The following MON1B variants were observed in gnomAD, a reference collection of about 807,000 sequenced individuals.
MON1B encodes vacuolar fusion protein MON1 homolog B.
In MON1B, 26 loss-of-function variants were observed where a neutral mutation model predicts 45.1. That is an observed-to-expected ratio of 0.58 (90% CI 0.42 to 0.80). The LOEUF (loss-of-function observed/expected upper bound fraction) is 0.80, where lower values mean the gene tolerates loss of function less well. MON1B is among the 30% of genes least tolerant of loss of function. The pLI is 0.00. For missense variants in MON1B, 737 were observed against 754.5 expected (o/e 0.98, Z 0.27); for synonymous variants, 395 against 320.2 (o/e 1.23, Z -2.49).
intron 2 of MON1B, among the ~76,000 whole-genome samples, chr16:77,191,918 G>C (rs1025327541): frequency 6.6e-6 from 1 of 152,154 alleles, no homozygotes; most frequent in Non-Finnish European, 1.5e-5. Context: ...TGAGGATTTA[G>C]AGTGTTTAGA....
intron 5 of MON1B, among the ~76,000 whole-genome samples, chr16:77,197,705 CA>C (rs1003534624): frequency 1.3e-5 from 2 of 152,132 alleles, no homozygotes; most frequent in Non-Finnish European, 2.9e-5. Context: ...CAGGCCTCTC[CA>C]TGTGGTATGA....
chr16:77,197,975 A>G, intron 5 of MON1B, 133 bp from the exon 6 acceptor site: 2 of 854,514 alleles, frequency 2.3e-6, no homozygotes, highest in Non-Finnish European at 3.8e-6. Flanking sequence ...GTATCTAGGC[A>G]GCACCTGGTA....
At chr16:77,196,406 A>ATTTC (rs2054665704) in intron 5 of MON1B, among the ~76,000 whole-genome samples, 2 of 152,156 alleles carry the variant, frequency 1.3e-5, no homozygotes, top group Non-Finnish European at 2.9e-5. Context: ...GCGTGGTGAA[A>ATTTC]ACCACGCCTG....
In MON1B at chr16:77,200,663, G is replaced by A. The variant is rs1163373369; in HGVS notation, c.*2355G>A. ...CCCAGCTACTGGGGAGGCTGAGGCA[G>A]GGGAATTGCTTGAACCCGGGAGGCA... On this transcript the variant is annotated 3_prime_UTR_variant, in exon 6 of 6. Transcript: ENST00000248248. 1 of 150,472 alleles carries A rather than the reference G, an allele frequency of 6.6e-6. No individual in the cohort carries two copies. Among genetic ancestry groups the A allele is most frequent in the Non-Finnish European group, 1.5e-5 (1 of 67,904 alleles). The allele number at this position is 150,472 out of a possible 1,614,324, so 9.3% of individuals were successfully genotyped here.
chr16:77,194,996 C>T lies in MON1B; in HGVS notation c.1137C>T (p.Ala379=). The T allele has an allele frequency of 6.2e-7, 1 of 1,613,614 alleles. No individual in the cohort carries two copies. Among genetic ancestry groups the T allele is most frequent in the East Asian group, 2.2e-5 (1 of 44,864 alleles). Residue 379 remains alanine, a synonymous_variant, in exon 4 of 6, where the codon GCC becomes GCT. Transcript: ENST00000248248. The surrounding 1 kb of genome is among the most constrained non-coding windows in gnomAD (Gnocchi z 8.1). ...AAGATGGGATGCATGCCCTTGGTGC[C>T]ATGCGTGCCCTTGGGGAGGCTGCCA... ...LVEDGMHALG[A]MRALGEAASF... is the part of the protein sequence containing the mutation.
chr16:77,195,548 G>A lies in MON1B; in HGVS notation c.1309G>A (p.Ala437Thr). The A allele has an allele frequency of 1.2e-6, 2 of 1,613,606 alleles. No individual in the cohort carries two copies. The highest frequency in any genetic ancestry group is 2.2e-5 in the South Asian group (2 of 91,006). Residue 437 changes from alanine to threonine, a missense_variant, in exon 5 of 6, where the codon GCC becomes ACC. By Grantham distance (58) the Ala-to-Thr change is moderately conservative. Coordinates refer to ENST00000248248, the MANE Select transcript of MON1B (RefSeq NM_014940.4). The stretch of plus-strand genomic sequence containing the variant: ...CCATCATGGCAGCCCTGAGCTAGAG[G>A]CCCCCTACAGCAGAGAGGAGGAGCG... The part of the protein sequence containing the change: ...LPQFTSPELE[A>T]PYSREEERQR...
Position 77,194,860 on chromosome 16 carries a change from GT to G in MON1B, c.1007del (p.Phe336SerfsTer100), listed in dbSNP as rs2054649109. 6.2e-7 allele frequency: 1 copy of G among 1,611,332 alleles called. No homozygotes were observed. The highest frequency in any genetic ancestry group is 8.5e-7 in the Non-Finnish European group (1 of 1,180,034). On this transcript the variant is annotated frameshift_variant, in exon 4 of 6. Coordinates refer to ENST00000248248, the MANE Select transcript of MON1B (RefSeq NM_014940.4). LOFTEE classifies it high-confidence loss of function. This position sits in a 1 kb window ranked among gnomAD's most constrained non-coding sequence, Gnocchi z 8.1. ...PVCLPRFNPD[G>X]FFYAYVARLD... ...TGCCTGCCCCGCTTCAACCCTGATGGTTTTTTCTACGCCTACGTGGCCCGCC... is the reference window on the plus strand; with the variant it reads ...TGCCTGCCCCGCTTCAACCCTGATGGTTTTTCTACGCCTACGTGGCCCGCC...
In MON1B at chr16:77,194,187, C is replaced by T; in HGVS notation, c.476-148C>T. The T allele has an allele frequency of 1.3e-6, 1 of 763,282 alleles. No individual in the cohort carries two copies. Among genetic ancestry groups the T allele is most frequent in the East Asian group, 2.5e-5 (1 of 40,808 alleles). 47.3% of individuals were successfully genotyped at this position (763,282 alleles called of 1,614,324 possible). On this transcript the variant is annotated intron_variant, in intron 3 of 5. Transcript: ENST00000248248. The surrounding 1 kb of genome is among the most constrained non-coding windows in gnomAD (Gnocchi z 8.1). ...AAATGTCCAGATTCCTCCAGCTTGT[C>T]CTTACCCCAGTCCAGGTGCCCACAG...
Position 77,199,420 on chromosome 16 carries a change from G to T in MON1B, c.*1112G>T. The T allele has an allele frequency of 2.6e-6, 4 of 1,550,466 alleles. No individual in the cohort carries two copies. The highest frequency in any genetic ancestry group is 3.5e-6 in the Non-Finnish European group (4 of 1,146,288). On this transcript the variant is annotated 3_prime_UTR_variant, in exon 6 of 6. Coordinates refer to ENST00000248248, the MANE Select transcript of MON1B (RefSeq NM_014940.4). ...GGTTTCTTTTTTAACCAGTCATCAA[G>T]CGAGGCTCGCGCGCAGGCCCCGCGT... is the stretch of plus-strand genomic sequence containing the variant.
Position 77,198,092 on chromosome 16 carries a change from C to T in MON1B, c.1444-16C>T, listed in dbSNP as rs759113203. On this transcript the variant is annotated splice_polypyrimidine_tract_variant and intron_variant, in intron 5 of 5. Transcript: ENST00000248248. ...AGCTCTGGCCCATCTGACTCTGTCT[C>T]CTCCGAAACCCCCAGGTGACCTCCA... 1.2e-6 allele frequency: 2 copies of T among 1,612,836 alleles called. No homozygotes were observed. Among genetic ancestry groups the T allele is most frequent in the South Asian group, 1.1e-5 (1 of 91,024 alleles).
chr16:77,191,667 T>A (rs1425279719), intron 2 of MON1B, 34 bp downstream of exon 2: 2 of 1,587,540 alleles, frequency 1.3e-6, no homozygotes, highest in Non-Finnish European at 1.7e-6. Context: ...TTAAAAGGAA[T>A]CCTTAGGGGT....
rs35193130 is a variant in MON1B at position 77,191,543 on chromosome 16, G to T, written c.58G>T (p.Asp20Tyr). ...PAPGGAEDLE[D>Y]TQFPSEEARE... ...CCCCGGGGGCGCGGAGGACTTGGAG[G>T]ACACGCAGTTCCCCAGTGAGGAAGC... The change falls in exon 2 of 6, where the codon GAC (aspartate) becomes TAC (tyrosine). Residue 20 changes from aspartate to tyrosine, a missense_variant. Physicochemically the swap from Asp to Tyr is radical, Grantham distance 160 (BLOSUM62 -3). Coordinates refer to ENST00000248248, the MANE Select transcript of MON1B (RefSeq NM_014940.4). 27,764 of 1,609,684 alleles carry T rather than the reference G, an allele frequency of 0.017. 304 individuals carry two copies. Among genetic ancestry groups the T allele is most frequent in the South Asian group, 0.028 (2,575 of 90,676 alleles).
In MON1B at chr16:77,193,664, C is replaced by T. The variant is rs980211638; in HGVS notation, c.362C>T (p.Pro121Leu). The T allele has an allele frequency of 6.2e-7, 1 of 1,614,072 alleles. No homozygotes were observed. The highest frequency in any genetic ancestry group is 1.3e-5 in the African/African-American group (1 of 75,030). ...TTTGTGCTGAGTGAGGCTGGCAAGC[C>T]CATCTACTCGCGGTATGGTAGTGTG... is the stretch of plus-strand genomic sequence containing the variant. ...HVFVLSEAGKPIYSRYGSVEA... is the reference protein window; with the variant it reads ...HVFVLSEAGKLIYSRYGSVEA... The change falls in exon 3 of 6, where the codon CCC (proline) becomes CTC (leucine). Residue 121 changes from proline to leucine, a missense_variant. By Grantham distance (98) the Pro-to-Leu change is moderately conservative. Coordinates refer to ENST00000248248, the MANE Select transcript of MON1B (RefSeq NM_014940.4). This position sits in a 1 kb window ranked among gnomAD's most constrained non-coding sequence, Gnocchi z 5.0.
In MON1B at chr16:77,193,867, C is replaced by G; in HGVS notation, c.475+90C>G. 4 of 1,370,748 alleles carry G rather than the reference C, an allele frequency of 2.9e-6. No individual in the cohort carries two copies. Among genetic ancestry groups the G allele is most frequent in the Middle Eastern group, 5.2e-4 (2 of 3,864 alleles). The allele number at this position is 1,370,748 out of a possible 1,614,324, so 84.9% of individuals were successfully genotyped here. On this transcript the variant is annotated intron_variant, in intron 3 of 5. Coordinates refer to ENST00000248248, the MANE Select transcript of MON1B (RefSeq NM_014940.4). This position sits in a 1 kb window ranked among gnomAD's most constrained non-coding sequence, Gnocchi z 5.0. Reference sequence around the variant, plus strand: ...TCTGTCTGCCTCAGGCACTATCCAGCCAGCCAGGGTTGGGTCCATGTGTGT... The same window carrying G: ...TCTGTCTGCCTCAGGCACTATCCAGGCAGCCAGGGTTGGGTCCATGTGTGT...
At position 77,200,208 on chromosome 16, in the gene MON1B, TTATATG is replaced by T. The variant is rs773612822; in HGVS notation, c.*1904_*1909del. ...CATATACATATGTGTGTATGTGTATTTATATGTATGTATGTATGTGTGTGTATATAT... is the reference window on the plus strand; with the variant it reads ...CATATACATATGTGTGTATGTGTATTTATGTATGTATGTGTGTGTATATAT... On this transcript the variant is annotated 3_prime_UTR_variant, in exon 6 of 6. Coordinates refer to ENST00000248248, the MANE Select transcript of MON1B (RefSeq NM_014940.4). 1 of 141,418 alleles carries T rather than the reference TTATATG, an allele frequency of 7.1e-6. No homozygotes were observed. The highest frequency in any genetic ancestry group is 1.5e-5 in the Non-Finnish European group (1 of 65,382). 8.8% of individuals were successfully genotyped at this position (141,418 alleles called of 1,614,324 possible).
At position 77,195,391 on chromosome 16, in the gene MON1B, G is replaced by C. The variant is rs80147652; in HGVS notation, c.1296-144G>C. On this transcript the variant is annotated intron_variant, in intron 4 of 5. Transcript: ENST00000248248. ...CTCCTAGTTTGATGAGGGAAGGTCA[G>C]CCTCCAACCCCTGAGAATCCTCAAG... 1,926 of 1,176,104 alleles carry C rather than the reference G, an allele frequency of 1.6e-3. 20 individuals are homozygous for C. In the African/African-American group the frequency reaches 0.027, roughly 16 times the overall value. The allele number at this position is 1,176,104 out of a possible 1,614,324, so 72.9% of individuals were successfully genotyped here. A position where few individuals can be genotyped will look rare whatever the true frequency, so the allele number is the denominator to read the frequency against.
rs375185057 is a variant in MON1B at position 77,199,278 on chromosome 16, T to C, written c.*970T>C. On this transcript the variant is annotated 3_prime_UTR_variant, in exon 6 of 6. Coordinates refer to ENST00000248248, the MANE Select transcript of MON1B (RefSeq NM_014940.4). The stretch of plus-strand genomic sequence containing the variant: ...TACAGCCTCAAGGTTGTAGCATGTG[T>C]GCTGGCAATCAGGGCCGCAGTGTGT... 1.6e-4 allele frequency: 99 copies of C among 617,214 alleles called. No homozygotes were observed. The African/African-American group carries it at 1.7e-3, about 10-fold the overall frequency. The allele number at this position is 617,214 out of a possible 1,614,324, so 38.2% of individuals were successfully genotyped here.
rs1485021041 is a variant in MON1B at position 77,199,882 on chromosome 16, C to T, written c.*1574C>T. The T allele has an allele frequency of 5.6e-6, 1 of 179,356 alleles. No individual in the cohort carries two copies. Among genetic ancestry groups the T allele is most frequent in the East Asian group, 1.6e-4 (1 of 6,328 alleles). 11.1% of individuals were successfully genotyped at this position (179,356 alleles called of 1,614,324 possible). A position where few individuals can be genotyped will look rare whatever the true frequency, so the allele number is the denominator to read the frequency against. ...CCCAGTGTCGCCATTTCACACCTAA[C>T]ACATATGACACTTTGATGGACTCTT... On this transcript the variant is annotated 3_prime_UTR_variant, in exon 6 of 6. Coordinates refer to ENST00000248248, the MANE Select transcript of MON1B (RefSeq NM_014940.4).
intron 2 of MON1B, 64 bp downstream of exon 2, chr16:77,191,697 A>T (rs1487374990): frequency 1.3e-6 from 2 of 1,515,616 alleles, no homozygotes; most frequent in Non-Finnish European, 1.8e-6. Context: ...TGGACGGGGG[A>T]AGGGTCAGTG....
Sources: allele counts gnomAD v4.1 joint callset (sites outside exome capture counted in the v4.1 genomes callset), GRCh38; gene constraint gnomAD v4.1.1; non-coding constraint Gnocchi (gnomAD v3.1); transcripts MANE v1.5; gene names NCBI Gene and HGNC (gene_info 2026-07-23, HGNC 2026-07-21).